Variants in CADM2 observed in about 807,000 individuals in gnomAD.
The protein encoded by CADM2 is cell adhesion molecule 2.
A neutral mutation model predicts 49.8 loss-of-function variants in CADM2; 12 were observed. The observed-to-expected ratio is 0.24, with a 90% CI of 0.15 to 0.39. The LOEUF is 0.39. CADM2 is among the 10% of genes least tolerant of loss of function. CADM2 has a pLI of 1.00. For synonymous variants in CADM2, 214 were observed against 175.4 expected, an observed-to-expected ratio of 1.22 and a Z score of -1.74; for missense variants, 378 against 492.3, an observed-to-expected ratio of 0.77 and a Z score of 2.20.
chr3:85,040,373 G>A (rs2035388239), intron 1 of CADM2, among the ~76,000 whole-genome samples: 1 of 152,118 alleles, frequency 6.6e-6, no homozygotes, highest in African/African-American at 2.4e-5. Flanking sequence ...TTATTTGTTT[G>A]TTTTAATCAA....
chr3:85,381,915 C>A (rs1352447846), intron 1 of CADM2, among the ~76,000 whole-genome samples: 1 of 151,984 alleles, frequency 6.6e-6, no homozygotes. Context: ...CTCAGAAAAA[C>A]CATTCTCAGG....
At chr3:86,004,137 G>T (rs1730501933) in intron 8 of CADM2, among the ~76,000 whole-genome samples, 1 of 151,858 alleles carries the variant, frequency 6.6e-6, no homozygotes, top group African/African-American at 2.4e-5. Flanking sequence ...GGAGGAGAAT[G>T]ATCTTGTTAA....
intron 2 of CADM2, among the ~76,000 whole-genome samples, chr3:85,759,084 C>A (rs1451460147): frequency 2.6e-5 from 4 of 151,946 alleles, no homozygotes; most frequent in African/African-American, 9.7e-5. Context: ...GAGAGGGAAT[C>A]AAACAGAGGC....
intron 8 of CADM2, among the ~76,000 whole-genome samples, chr3:86,061,986 T>TGGGG (rs11456162): frequency 7.5e-6 from 1 of 133,066 alleles, no homozygotes; most frequent in Non-Finnish European, 1.6e-5. Flanking sequence ...CTGTTGATGG[T>TGGGG]GGGGGGGGGG....
chr3:85,284,893 C>T (rs561310345), intron 1 of CADM2, among the ~76,000 whole-genome samples: 2 of 151,694 alleles, frequency 1.3e-5, no homozygotes, highest in Admixed American at 6.6e-5. Flanking sequence ...TGTCAAGCAT[C>T]GAATATACAT....
At position 85,970,811 on chromosome 3, in the gene CADM2, A is replaced by G. The variant is rs572932173; in HGVS notation, c.970+9164A>G. 2.8e-3 allele frequency among the ~76,000 whole-genome samples: 423 copies of G among 151,714 alleles called. 2 individuals are homozygous for G. The highest frequency in any genetic ancestry group is 9.7e-3 in the African/African-American group (402 of 41,496). On this transcript the variant is annotated intron_variant, in intron 8 of 9. Coordinates refer to ENST00000383699, the MANE Select transcript of CADM2 (RefSeq NM_001167675.2). ...ATTCTGGAAGCTACTTTAATCTTTGATGAAATTTATATATTAAATGAGAAG... is the reference window on the plus strand; with the variant it reads ...ATTCTGGAAGCTACTTTAATCTTTGGTGAAATTTATATATTAAATGAGAAG...
In CADM2 at chr3:85,016,382, GT is replaced by G. The variant is rs534886241; in HGVS notation, c.61+56716del. Among the ~76,000 whole-genome samples, 71 of 152,318 alleles carry G rather than the reference GT, an allele frequency of 4.7e-4. No individual in the cohort carries two copies. The South Asian group carries it at 0.015, about 32-fold the overall frequency. The stretch of plus-strand genomic sequence containing the variant: ...AGAGAAAATGGAAATAAAGATATAG[GT>G]TGGTTTAGAGGATGCAGTTATGAGT... On this transcript the variant is annotated intron_variant, in intron 1 of 9. Coordinates refer to ENST00000383699, the MANE Select transcript of CADM2 (RefSeq NM_001167675.2).
chr3:85,566,042 A>G (rs986094992), intron 1 of CADM2, among the ~76,000 whole-genome samples: 1 of 152,130 alleles, frequency 6.6e-6, no homozygotes, highest in East Asian at 1.9e-4. Flanking sequence ...ACGTTGGAAT[A>G]CTAGTAAGTT....
intron 1 of CADM2, among the ~76,000 whole-genome samples, chr3:85,460,849 A>G (rs189782498): frequency 8.4e-4 from 128 of 152,098 alleles, no homozygotes; most frequent in African/African-American, 2.7e-3. Context: ...TATTTGCCCC[A>G]TGGAAGCTCT....
intron 3 of CADM2, among the ~76,000 whole-genome samples, chr3:85,836,988 T>C (rs1263293417): frequency 1.3e-5 from 2 of 151,596 alleles, no homozygotes; most frequent in Middle Eastern, 3.2e-3. Context: ...GAGGGATCAT[T>C]TTCTTCTGTA....
intron 1 of CADM2, among the ~76,000 whole-genome samples, chr3:85,667,697 A>C (rs2065610875): frequency 6.6e-6 from 1 of 152,042 alleles, no homozygotes; most frequent in Non-Finnish European, 1.5e-5. Context: ...CTAGTCTTCT[A>C]ATCTTCTTGC....
At chr3:85,196,567 A>G (rs950022872) in intron 1 of CADM2, among the ~76,000 whole-genome samples, 1 of 151,998 alleles carries the variant, frequency 6.6e-6, no homozygotes, top group Non-Finnish European at 1.5e-5. Flanking sequence ...TAGGTTTTAA[A>G]TAATTGATTG....
intron 2 of CADM2, among the ~76,000 whole-genome samples, chr3:85,770,050 C>A (rs939392840): frequency 6.6e-6 from 1 of 152,016 alleles, no homozygotes; most frequent in Non-Finnish European, 1.5e-5. Flanking sequence ...AGAAATAGCA[C>A]TGGATTGGGA....
chr3:85,995,844 C>T (rs1179033259), intron 8 of CADM2, among the ~76,000 whole-genome samples: 2 of 152,086 alleles, frequency 1.3e-5, no homozygotes, highest in East Asian at 3.9e-4. Flanking sequence ...AATTCCAGCA[C>T]TTTGGGAGGC....
intron 1 of CADM2, among the ~76,000 whole-genome samples, chr3:85,657,771 TATATAC>T (rs1240974475): frequency 2.5e-5 from 3 of 120,796 alleles, no homozygotes; most frequent in East Asian, 2.2e-4. Flanking sequence ...GATATATATA[TATATAC>T]ATATACATGT....
chr3:85,909,394 A>C (rs1443279368), intron 5 of CADM2, among the ~76,000 whole-genome samples: 1 of 139,312 alleles, frequency 7.2e-6, no homozygotes, highest in East Asian at 2.1e-4. Flanking sequence ...TGAAAAATGT[A>C]AAATGAAATA....
At chr3:85,442,694 G>A (rs1364639600) in intron 1 of CADM2, among the ~76,000 whole-genome samples, 1 of 144,500 alleles carries the variant, frequency 6.9e-6, no homozygotes, top group Non-Finnish European at 1.5e-5. Flanking sequence ...ATTTATTTTT[G>A]TTTTTGCAGC....
chr3:84,959,956 C>G (rs919815747), intron 1 of CADM2: 1 of 528,296 alleles, frequency 1.9e-6, no homozygotes, highest in East Asian at 3.3e-5. Context: ...GCCAGCATCC[C>G]CCTCCCACGC....
intron 1 of CADM2, among the ~76,000 whole-genome samples, chr3:85,146,396 T>A (rs1187718027): frequency 6.6e-6 from 1 of 152,142 alleles, no homozygotes; most frequent in East Asian, 1.9e-4. Context: ...TCTTTTTTTT[T>A]ATGCAGTGGC....
Sources: gnomAD v4.1 joint callset for allele counts (sites outside exome capture counted in the v4.1 genomes callset) on GRCh38, gnomAD v4.1.1 for gene constraint, MANE v1.5 for transcripts, NCBI Gene and HGNC (gene_info 2026-07-23, HGNC 2026-07-21) for gene names.